Variants in PRPF18 observed in about 807,000 individuals in gnomAD.
PRPF18 encodes pre-mRNA-splicing factor 18.
A neutral mutation model predicts 46.5 loss-of-function variants in PRPF18; 38 were observed. The ratio of observed to expected loss-of-function variants is 0.82; its 90% CI spans 0.63 to 1.07. The LOEUF is 1.07. Ranked by LOEUF, PRPF18 falls within the 50% of genes least tolerant of loss-of-function variation. The pLI is 0.00. For synonymous variants in PRPF18, 152 were observed against 146.7 expected, an observed-to-expected ratio of 1.04 and a Z score of -0.26; for missense variants, 263 against 410.0, an observed-to-expected ratio of 0.64 and a Z score of 3.10.
chr10:13,588,748 GAATT>G (rs2079914663), intron 1 of PRPF18, among the ~76,000 whole-genome samples: 1 of 152,000 alleles, frequency 6.6e-6, no homozygotes. Flanking sequence ...GGGGGAGAAA[GAATT>G]ACATGATTTA....
chr10:13,626,616 A>G (rs2080508500), intron 9 of PRPF18, among the ~76,000 whole-genome samples: 1 of 152,146 alleles, frequency 6.6e-6, no homozygotes, highest in South Asian at 2.1e-4. Context: ...CATAGTAGGA[A>G]GTCAGGAGAT....
chr10:13,652,291 G>A, the PRPF18 span: 11,283 of 392,468 alleles, frequency 0.029, 662 homozygotes, highest in African/African-American at 0.14. Flanking sequence ...CTAGTTGTAG[G>A]TGGTGAAATA....
At chr10:13,609,282 G>A (rs1207700855) in intron 4 of PRPF18, among the ~76,000 whole-genome samples, 1 of 152,176 alleles carries the variant, frequency 6.6e-6, no homozygotes, top group East Asian at 1.9e-4. Flanking sequence ...CCTTATTACA[G>A]CCCTACGTAG....
Position 13,616,573 on chromosome 10 carries a change from G to A in PRPF18, c.948+20G>A, listed in dbSNP as rs1292582764. The A allele has an allele frequency of 9.3e-6, 15 of 1,612,220 alleles. No homozygotes were observed. Among genetic ancestry groups the A allele is most frequent in the Middle Eastern group, 1.6e-4 (1 of 6,076 alleles). On this transcript the variant is annotated intron_variant, in intron 9 of 9. Coordinates refer to ENST00000378572, the MANE Select transcript of PRPF18 (RefSeq NM_003675.4). ...ATTCAGGTAAGCAGTTTGGAGAGCC[G>A]GGAATTGCCCTGGAAGTGAATATTC... is the stretch of plus-strand genomic sequence containing the variant.
chr10:13,655,662 C>A, the PRPF18 span: 1 of 152,198 alleles, frequency 6.6e-6, no homozygotes, highest in Non-Finnish European at 1.5e-5. Flanking sequence ...TCCTACAGTT[C>A]CCCAAAGATG....
downstream of PRPF18, among the ~76,000 whole-genome samples, chr10:13,633,522 G>T (rs2080608704): frequency 6.6e-6 from 1 of 152,074 alleles, no homozygotes; most frequent in Admixed American, 6.6e-5. Flanking sequence ...TTGAATTTGG[G>T]GATTCATATC....
At chr10:13,597,561 A>C (rs2080053357) in intron 2 of PRPF18, 26 bp downstream of exon 2, 1 of 1,601,016 alleles carries the variant, frequency 6.2e-7, no homozygotes, top group Non-Finnish European at 8.5e-7. Context: ...TTTATGTTAA[A>C]TTGTACATTT....
At chr10:13,608,591 A>G (rs781763032) in intron 4 of PRPF18, among the ~76,000 whole-genome samples, 9 of 152,166 alleles carry the variant, frequency 5.9e-5, no homozygotes, top group Non-Finnish European at 1.0e-4. Flanking sequence ...TTTCACATGC[A>G]ATTCAGTGAC....
At chr10:13,612,218 A>G (rs1037293250) in intron 6 of PRPF18, among the ~76,000 whole-genome samples, 1 of 152,174 alleles carries the variant, frequency 6.6e-6, no homozygotes, top group Middle Eastern at 3.4e-3. Context: ...CTGGCTCATT[A>G]ATGTAAACAC....
At chr10:13,591,932 T>C (rs749727969) in intron 1 of PRPF18, 1 of 1,324,310 alleles carries the variant, frequency 7.6e-7, no homozygotes, top group East Asian at 4.1e-5. Context: ...CTGAGGGTTT[T>C]TTTTTTTTTT....
intron 9 of PRPF18, among the ~76,000 whole-genome samples, chr10:13,629,656 G>A (rs897915212): frequency 1.3e-5 from 2 of 152,172 alleles, no homozygotes; most frequent in Non-Finnish European, 2.9e-5. Context: ...ACTGAAGGTA[G>A]TAACACTTCA....
chr10:13,635,484 A>G (rs1589143356), downstream of PRPF18, among the ~76,000 whole-genome samples: 1 of 152,326 alleles, frequency 6.6e-6, no homozygotes, highest in South Asian at 2.1e-4. Context: ...GTCTTCAACA[A>G]TGGTTGAACT....
intron 4 of PRPF18, 122 bp from the exon 5 acceptor site, chr10:13,609,917 C>T (rs2080246913): frequency 4.8e-6 from 5 of 1,033,878 alleles, no homozygotes; most frequent in Non-Finnish European, 7.0e-6. Context: ...TGAGTCCCTA[C>T]TTTTGCTGAA....
chr10:13,587,944 G>A (rs1350693985), intron 1 of PRPF18, among the ~76,000 whole-genome samples: 1 of 152,122 alleles, frequency 6.6e-6, no homozygotes, highest in Non-Finnish European at 1.5e-5. Flanking sequence ...ATGCAGGTGT[G>A]GGAATTGCAG....
At chr10:13,646,752 G>T in the PRPF18 span, 1 of 152,756 alleles carries the variant, frequency 6.5e-6, no homozygotes, top group Non-Finnish European at 1.5e-5. Context: ...CAGTGGGACC[G>T]GAACCTTCCA....
intron 9 of PRPF18, among the ~76,000 whole-genome samples, chr10:13,617,855 C>A (rs1054648192): frequency 6.6e-6 from 1 of 152,208 alleles, no homozygotes; most frequent in Admixed American, 6.5e-5. Context: ...AAAAATTCTT[C>A]TTTTGCCCCC....
At chr10:13,617,050 G>C (rs981389624) in intron 9 of PRPF18, among the ~76,000 whole-genome samples, 1 of 152,184 alleles carries the variant, frequency 6.6e-6, no homozygotes, top group African/African-American at 2.4e-5. Context: ...CTAAAGTGCC[G>C]ATGGTTTGTT....
intron 1 of PRPF18, chr10:13,591,493 C>T (rs933330087): frequency 1.1e-5 from 7 of 657,428 alleles, no homozygotes; most frequent in Admixed American, 6.9e-5. Flanking sequence ...TTCCATGAGT[C>T]GGGGCAAACA....
intron 9 of PRPF18, among the ~76,000 whole-genome samples, chr10:13,625,911 C>T (rs189952625): frequency 6.6e-6 from 1 of 152,244 alleles, no homozygotes; most frequent in East Asian, 1.9e-4. Context: ...ATCTCCCATG[C>T]ACACATTCTC....
Sources: gnomAD v4.1 joint callset for allele counts (sites outside exome capture counted in the v4.1 genomes callset) on GRCh38, gnomAD v4.1.1 for gene constraint, MANE v1.5 for transcripts, NCBI Gene and HGNC (gene_info 2026-07-23, HGNC 2026-07-21) for gene names.